Variants in NPC1L1 observed in about 807,000 individuals in gnomAD.
NPC1L1 encodes NPC1 like intracellular cholesterol transporter 1.
A neutral mutation model predicts 117.0 loss-of-function variants in NPC1L1; 98 were observed. That is an observed-to-expected ratio of 0.84 (90% CI 0.71 to 0.99). NPC1L1 has a LOEUF of 0.99. Ranked by LOEUF, NPC1L1 falls within the 50% of genes least tolerant of loss-of-function variation. NPC1L1 has a pLI of 0.00. For synonymous variants in NPC1L1, 729 were observed against 727.6 expected (o/e 1.00, Z -0.03); for missense variants, 1,540 against 1,710.0 (o/e 0.90, Z 1.75).
chr7:44,516,266 C>T, intron 16 of NPC1L1, 69 bp from the exon 17 acceptor site: 3 of 1,317,996 alleles, frequency 2.3e-6, no homozygotes, highest in Non-Finnish European at 3.2e-6. Flanking sequence ...GATGAGGCCT[C>T]CACCAGGACC....
intron 12 of NPC1L1, 94 bp from the exon 13 acceptor site, chr7:44,521,212 T>G: frequency 6.4e-7 from 1 of 1,556,264 alleles, no homozygotes; most frequent in Non-Finnish European, 8.8e-7. Context: ...TCAAAGGTCC[T>G]GGGCACTCCA....
Position 44,534,762 on chromosome 7 carries a change from G to C in NPC1L1, c.1984-133C>G. Reference sequence around the variant, plus strand: ...CAGGTGCCCGATACTGCCCCCAGTGGTGAGGAGCTCACATCTCACATTAAA... The same window carrying C: ...CAGGTGCCCGATACTGCCCCCAGTGCTGAGGAGCTCACATCTCACATTAAA... On this transcript the variant is annotated intron_variant, in intron 5 of 18. Transcript: ENST00000381160. The surrounding 1 kb of genome is among the most constrained non-coding windows in gnomAD (Gnocchi z 5.2). The C allele has an allele frequency of 1.2e-6, 1 of 850,368 alleles. No homozygotes were observed. Among genetic ancestry groups the C allele is most frequent in the Non-Finnish European group, 1.8e-6 (1 of 544,354 alleles). The allele number at this position is 850,368 out of a possible 1,614,324, so 52.7% of individuals were successfully genotyped here. A position where few individuals can be genotyped will look rare whatever the true frequency, so the allele number is the denominator to read the frequency against.
At chr7:44,537,609 C>G (rs1017137892) in intron 2 of NPC1L1, among the ~76,000 whole-genome samples, 4 of 152,202 alleles carry the variant, frequency 2.6e-5, no homozygotes, top group Admixed American at 1.3e-4. Flanking sequence ...CTCTCTACCC[C>G]CCTCTCTCAG....
Position 44,536,034 on chromosome 7 carries a change from G to T in NPC1L1, c.1855-66C>A. ...GCTTCAGCCAGGCCAGCTCTCAATAGCTCGGTCACTGGGCACTAATTGTGT... is the reference window on the plus strand; with the variant it reads ...GCTTCAGCCAGGCCAGCTCTCAATATCTCGGTCACTGGGCACTAATTGTGT... On this transcript the variant is annotated intron_variant, in intron 4 of 18. Transcript: ENST00000381160. The surrounding 1 kb of genome is among the most constrained non-coding windows in gnomAD (Gnocchi z 4.7). 3 of 1,610,660 alleles carry T rather than the reference G, an allele frequency of 1.9e-6. No homozygotes were observed. The highest frequency in any genetic ancestry group is 2.5e-6 in the Non-Finnish European group (3 of 1,179,064).
intron 12 of NPC1L1, 50 bp downstream of exon 12, chr7:44,521,662 A>G (rs1801356345): frequency 4.3e-6 from 7 of 1,613,256 alleles, no homozygotes; most frequent in Non-Finnish European, 5.9e-6. Flanking sequence ...CTGTTGCCTC[A>G]GTTTGCCCGA....
rs753240988 is a variant in NPC1L1 at position 44,536,969 on chromosome 7, A to G, written c.1581-27T>C. 1.2e-6 allele frequency: 2 copies of G among 1,600,984 alleles called. No individual in the cohort carries two copies. The highest frequency in any genetic ancestry group is 2.7e-5 in the African/African-American group (2 of 74,666). ...TAGAGGGAGATGACCGCAAAGGGAA[A>G]GGGCCTTTCCTGGCCCTGCCCAGTC... On this transcript the variant is annotated intron_variant, in intron 2 of 18. Coordinates refer to ENST00000381160, the MANE Select transcript of NPC1L1 (RefSeq NM_001101648.2). The surrounding 1 kb of genome is among the most constrained non-coding windows in gnomAD (Gnocchi z 4.7).
chr7:44,517,250 T>C lies in NPC1L1; in HGVS notation c.3244A>G (p.Lys1082Glu), dbSNP rs1300553942. ...LAANITADLRKVPGTDPAFEV... is the reference protein window; with the variant it reads ...LAANITADLREVPGTDPAFEV... ...AAAGCCGGGTCTGTTCCAGGCACTTTCCGCAGGTCAGCAGTGATGTTGGCT... is the reference window on the plus strand; with the variant it reads ...AAAGCCGGGTCTGTTCCAGGCACTTCCCGCAGGTCAGCAGTGATGTTGGCT... The change falls in exon 15 of 19, where the codon AAA becomes GAA. Residue 1082 changes from lysine to glutamate, a missense_variant. By Grantham distance (56) the Lys-to-Glu change is moderately conservative. Around this residue, in one of 3 missense-constraint regions of NPC1L1, gnomAD observed 742 missense variants for 873.6 expected, o/e 0.85. Transcript: ENST00000381160. 1.9e-6 allele frequency: 3 copies of C among 1,613,936 alleles called. No homozygotes were observed. The highest frequency in any genetic ancestry group is 2.5e-6 in the Non-Finnish European group (3 of 1,180,002).
chr7:44,519,933 T>G (rs1013965198), intron 14 of NPC1L1, among the ~76,000 whole-genome samples: 3 of 151,544 alleles, frequency 2.0e-5, no homozygotes, highest in African/African-American at 7.3e-5. Flanking sequence ...GCCTTCTGAA[T>G]AGCTGGAACT....
rs778522585 is a variant in NPC1L1 at position 44,539,449 on chromosome 7, C to G, written c.948G>C (p.Met316Ile). ...GGCTGGTGCCCTTCTTGGGGTCCAC[C>G]ATCTTGCTTTTGTCCCTGGCGGGGG... Reference protein sequence around the residue: ...RVAPARDKSKMVDPKKGTSLS... With the variant: ...RVAPARDKSKIVDPKKGTSLS... Residue 316 changes from methionine (M) to isoleucine (I), a missense_variant, in exon 2 of 19, where the codon ATG becomes ATC. Transcript: ENST00000381160. This position sits in a 1 kb window ranked among gnomAD's most constrained non-coding sequence, Gnocchi z 4.4. 3.7e-6 allele frequency: 6 copies of G among 1,613,938 alleles called. No homozygotes were observed. The highest frequency in any genetic ancestry group is 1.1e-5 in the South Asian group (1 of 91,082).
At chr7:44,541,112 G>A in intron 1 of NPC1L1, 94 bp downstream of exon 1, 1 of 1,368,390 alleles carries the variant, frequency 7.3e-7, no homozygotes, top group Non-Finnish European at 1.0e-6. Flanking sequence ...AGGCTCCCTT[G>A]CTGTCACCCA....
chr7:44,532,329 T>A, intron 8 of NPC1L1, 112 bp from the exon 9 acceptor site: 1 of 1,221,120 alleles, frequency 8.2e-7, no homozygotes, highest in Non-Finnish European at 1.2e-6. Flanking sequence ...GCCAGTGCCC[T>A]CATGGAGACA....
In NPC1L1 at chr7:44,539,072, A is replaced by G. The variant is rs1801991620; in HGVS notation, c.1325T>C (p.Leu442Pro). 1 of 1,614,098 alleles carries G rather than the reference A, an allele frequency of 6.2e-7. No individual in the cohort carries two copies. Among genetic ancestry groups the G allele is most frequent in the East Asian group, 2.2e-5 (1 of 44,888 alleles). The change falls in exon 2 of 19, where the codon CTG becomes CCG. Residue 442 changes from leucine (L) to proline (P), a missense_variant. Physicochemically the swap from Leu to Pro is moderately conservative, Grantham distance 98. Coordinates refer to ENST00000381160, the MANE Select transcript of NPC1L1 (RefSeq NM_001101648.2). The surrounding 1 kb of genome is among the most constrained non-coding windows in gnomAD (Gnocchi z 4.4). ...CCTCTCCTGCAGCTCTAGCAGCTCCAGCAGCAAGTCCAGGTCCAGGATTCC... is the reference window on the plus strand; with the variant it reads ...CCTCTCCTGCAGCTCTAGCAGCTCCGGCAGCAAGTCCAGGTCCAGGATTCC... Reference protein sequence around the residue: ...FSGILDLDLLLELLELQERLR... With the variant: ...FSGILDLDLLPELLELQERLR...
At position 44,539,393 on chromosome 7, in the gene NPC1L1, G is replaced by T. The variant is rs772019231; in HGVS notation, c.1004C>A (p.Thr335Asn). ...GCCCTGGAAGAACTGGCCAAGGAGG[G>T]TGTGGGTGGAGAAGCTGAGCTTGTC... Reference protein sequence around the residue: ...LSDKLSFSTHTLLGQFFQGWG... With the variant: ...LSDKLSFSTHNLLGQFFQGWG... Residue 335 changes from threonine (T) to asparagine (N), a missense_variant, in exon 2 of 19, where the codon ACC becomes AAC. Thr to Asn is a moderately conservative substitution (Grantham distance 65). Around this residue, in one of 3 missense-constraint regions of NPC1L1, gnomAD observed 793 missense variants for 820.4 expected, o/e 0.97. Transcript: ENST00000381160. The surrounding 1 kb of genome is among the most constrained non-coding windows in gnomAD (Gnocchi z 4.4). 15 of 1,614,094 alleles carry T rather than the reference G, an allele frequency of 9.3e-6. No individual in the cohort carries two copies. The highest frequency in any genetic ancestry group is 1.3e-5 in the Non-Finnish European group (15 of 1,179,970).
At chr7:44,520,022 G>A (rs1052960770) in intron 14 of NPC1L1, among the ~76,000 whole-genome samples, 2 of 152,124 alleles carry the variant, frequency 1.3e-5, no homozygotes, top group Non-Finnish European at 2.9e-5. Context: ...GCTCATGCCT[G>A]TAATACTAGC....
Position 44,512,919 on chromosome 7 carries a change from G to A in NPC1L1, c.*528C>T, listed in dbSNP as rs532498013. Reference sequence around the variant, plus strand: ...CCGTGGATGGCAGACCTGCAGGTGCGCCCTGGAGGGAGTGGCTGCCGACCG... The same window carrying A: ...CCGTGGATGGCAGACCTGCAGGTGCACCCTGGAGGGAGTGGCTGCCGACCG... On this transcript the variant is annotated 3_prime_UTR_variant, in exon 19 of 19. Transcript: ENST00000381160. The A allele has an allele frequency of 3.5e-5, 7 of 200,048 alleles. No homozygotes were observed. The highest frequency in any genetic ancestry group is 5.2e-5 in the Non-Finnish European group (5 of 96,492). The allele number at this position is 200,048 out of a possible 1,614,324, so 12.4% of individuals were successfully genotyped here.
At chr7:44,531,633 T>G (rs1801702333) in intron 10 of NPC1L1, 122 bp downstream of exon 10, 1 of 811,064 alleles carries the variant, frequency 1.2e-6, no homozygotes, top group Non-Finnish European at 2.0e-6. Context: ...TCCAGAGTAA[T>G]GAACAATTCT....
intron 8 of NPC1L1, chr7:44,533,147 C>T: frequency 2.9e-6 from 1 of 349,862 alleles, no homozygotes; most frequent in Non-Finnish European, 5.5e-6. Flanking sequence ...ACTGCTTAGA[C>T]AGTCGGTGCC....
At chr7:44,522,563 G>T (rs1011846855) in intron 10 of NPC1L1, among the ~76,000 whole-genome samples, 2 of 152,174 alleles carry the variant, frequency 1.3e-5, no homozygotes, top group Non-Finnish European at 2.9e-5. Flanking sequence ...GGTACATATA[G>T]AGAAGGACAT....
Position 44,522,237 on chromosome 7 carries a change from C to T in NPC1L1, c.2643G>A (p.Ser881=), listed in dbSNP as rs770546328. The T allele has an allele frequency of 2.4e-5, 38 of 1,612,494 alleles. No homozygotes were observed. The highest frequency in any genetic ancestry group is 6.7e-5 in the Admixed American group (4 of 59,820). The change falls in exon 11 of 19, where the codon TCG becomes TCA. Residue 881 remains serine, a synonymous_variant. Transcript: ENST00000381160. ...GAAAGAGGAAATAGTCAAGCAGGTA[C>T]GAGTCCTAGGAGTGGAGGAGGGTCA... ...LDQELALPKD[S]YLLDYFLFLN...
Sources: allele counts gnomAD v4.1 joint callset (sites outside exome capture counted in the v4.1 genomes callset), GRCh38; gene constraint gnomAD v4.1.1; regional missense constraint gnomAD v4.1.1; non-coding constraint Gnocchi (gnomAD v3.1); transcripts MANE v1.5; gene names NCBI Gene and HGNC (gene_info 2026-07-23, HGNC 2026-07-21).